Variants in MYSM1 observed in about 807,000 individuals in gnomAD.
MYSM1 encodes deubiquitinase MYSM1.
MYSM1 carries 51 observed loss-of-function variants against 116.0 expected under a neutral mutation model. The observed-to-expected ratio is 0.44, with a 90% CI of 0.35 to 0.56. MYSM1 has a LOEUF of 0.56. MYSM1 is among the 20% of genes least tolerant of loss of function. The pLI, the probability that MYSM1 is intolerant of heterozygous loss-of-function variation, is 0.00. For missense variants in MYSM1, 900 were observed against 974.9 expected (o/e 0.92, Z 1.02); for synonymous variants, 313 against 315.2 (o/e 0.99, Z 0.07).
intron 14 of MYSM1, 77 bp downstream of exon 14, chr1:58,668,555 T>G: frequency 6.7e-7 from 1 of 1,489,650 alleles, no homozygotes; most frequent in Non-Finnish European, 8.9e-7. Context: ...TCTTCCATAC[T>G]CTGTCTTACG....
chr1:58,686,387 C>T lies in MYSM1; in HGVS notation c.400-1136G>A, dbSNP rs1182317603. Among the ~76,000 whole-genome samples the T allele has an allele frequency of 2.0e-5, 3 of 152,080 alleles. No individual in the cohort carries two copies. The East Asian group carries it at 5.8e-4, about 29-fold the overall frequency. ...AGATATTCTCTACTTCCTAAGGTAGCTAAATAATTCTATATTTTTAGAATT... is the reference window on the plus strand; with the variant it reads ...AGATATTCTCTACTTCCTAAGGTAGTTAAATAATTCTATATTTTTAGAATT... On this transcript the variant is annotated intron_variant, in intron 6 of 19. Coordinates refer to ENST00000472487, the MANE Select transcript of MYSM1 (RefSeq NM_001085487.3).
intron 7 of MYSM1, 107 bp from the exon 8 acceptor site, chr1:58,682,652 G>A (rs2100651622): frequency 2.0e-6 from 2 of 1,019,314 alleles, no homozygotes; most frequent in Admixed American, 3.0e-5. Context: ...CTGAATACAT[G>A]TAAATGGTAC....
chr1:58,660,742 G>A (rs12743508), intron 19 of MYSM1, among the ~76,000 whole-genome samples: 5,595 of 152,128 alleles, frequency 0.037, 147 homozygotes, highest in Non-Finnish European at 0.058. Flanking sequence ...AAACCTAGAC[G>A]TGAACTGACA....
chr1:58,665,956 C>T (rs905896406), intron 16 of MYSM1, among the ~76,000 whole-genome samples: 2 of 152,038 alleles, frequency 1.3e-5, no homozygotes, highest in African/African-American at 4.8e-5. Flanking sequence ...ACTCAGGAGG[C>T]TGAGGCAGCA....
At chr1:58,684,955 GA>G (rs1286163574) in intron 7 of MYSM1, among the ~76,000 whole-genome samples, 197 bp downstream of exon 7, 1 of 152,102 alleles carries the variant, frequency 6.6e-6, no homozygotes, top group Non-Finnish European at 1.5e-5. Flanking sequence ...AAATTAAATA[GA>G]GTAACATGAT....
At position 58,673,379 on chromosome 1, in the gene MYSM1, T is replaced by C. The variant is rs189449718; in HGVS notation, c.1572+194A>G. ...AGAGAATCCAAGTTCTGAAATGAGTTAAACTCCTAGTTAACTGCACCACCA... is the reference window on the plus strand; with the variant it reads ...AGAGAATCCAAGTTCTGAAATGAGTCAAACTCCTAGTTAACTGCACCACCA... On this transcript the variant is annotated intron_variant, in intron 11 of 19. Transcript: ENST00000472487. 3.7e-4 allele frequency among the ~76,000 whole-genome samples: 56 copies of C among 152,366 alleles called. No individual in the cohort carries two copies. The East Asian group carries it at 3.9e-3, about 10-fold the overall frequency.
intron 1 of MYSM1, among the ~76,000 whole-genome samples, chr1:58,696,568 A>C (rs1049488072): frequency 2.0e-5 from 3 of 152,180 alleles, no homozygotes; most frequent in African/African-American, 7.2e-5. Context: ...TTCCAAATCC[A>C]GTCCTTCCAG....
chr1:58,686,254 T>C (rs1312484812), intron 6 of MYSM1, among the ~76,000 whole-genome samples: 2 of 152,104 alleles, frequency 1.3e-5, no homozygotes, highest in African/African-American at 4.8e-5. Context: ...TCCTGTGTGT[T>C]CTCAAGCACA....
Position 58,692,920 on chromosome 1 carries a change from C to G in MYSM1, c.159G>C (p.Leu53Phe). 2 of 1,606,302 alleles carry G rather than the reference C, an allele frequency of 1.2e-6. No homozygotes were observed. The highest frequency in any genetic ancestry group is 1.7e-6 in the Non-Finnish European group (2 of 1,176,676). The stretch of plus-strand genomic sequence containing the variant: ...TGTTCTCTTCACTGATGGTGTTATC[C>G]AAGGTCCAAGGCTATTAAAAAAGAG... ...RTENGLIPWT[L>F]DNTISEENRA... Residue 53 changes from leucine to phenylalanine, a missense_variant, in exon 3 of 20, where the codon TTG becomes TTC. Leu to Phe is a conservative substitution (Grantham distance 22). Coordinates refer to ENST00000472487, the MANE Select transcript of MYSM1 (RefSeq NM_001085487.3).
intron 9 of MYSM1, among the ~76,000 whole-genome samples, chr1:58,675,978 G>T (rs1464454546): frequency 6.6e-6 from 1 of 152,086 alleles, no homozygotes; most frequent in Non-Finnish European, 1.5e-5. Context: ...CAATATAAAA[G>T]AAAATCATAT....
At chr1:58,664,962 G>A (rs1008221023) in intron 17 of MYSM1, among the ~76,000 whole-genome samples, 2 of 152,298 alleles carry the variant, frequency 1.3e-5, no homozygotes, top group East Asian at 3.9e-4. Flanking sequence ...GCCCAGAAAT[G>A]TTTGGACTAC....
intron 2 of MYSM1, among the ~76,000 whole-genome samples, chr1:58,694,666 T>A: frequency 6.6e-6 from 1 of 150,486 alleles, no homozygotes; most frequent in Non-Finnish European, 1.5e-5. Context: ...CCTGTGACAA[T>A]CCCATTTTTT....
chr1:58,664,261 G>A (rs1644435883), intron 17 of MYSM1, among the ~76,000 whole-genome samples: 1 of 152,136 alleles, frequency 6.6e-6, no homozygotes, highest in South Asian at 2.1e-4. Flanking sequence ...CAAGTTAATT[G>A]CGATTCTTTT....
intron 12 of MYSM1, among the ~76,000 whole-genome samples, chr1:58,670,351 G>A (rs1373615769): frequency 6.6e-6 from 1 of 152,140 alleles, no homozygotes; most frequent in Non-Finnish European, 1.5e-5. Context: ...GCAGAGAATG[G>A]GAAAGTTGCT....
At chr1:58,666,575 T>TC (rs1365873038) in intron 16 of MYSM1, among the ~76,000 whole-genome samples, 1 of 62,434 alleles carries the variant, frequency 1.6e-5, no homozygotes, top group African/African-American at 5.7e-5. Context: ...GTATTTTTTT[T>TC]CTTTTTTTTT....
At position 58,675,632 on chromosome 1, in the gene MYSM1, T is replaced by G. The variant is rs762077267; in HGVS notation, c.1391-52A>C. On this transcript the variant is annotated intron_variant, in intron 9 of 19. Coordinates refer to ENST00000472487, the MANE Select transcript of MYSM1 (RefSeq NM_001085487.3). ...CATCTATTATTTTGTGAAACTCATT[T>G]GTTAAACAGTAAGACACATGTACAC... The G allele has an allele frequency of 1.0e-5, 14 of 1,396,190 alleles. No individual in the cohort carries two copies. In the African/African-American group the frequency reaches 1.7e-4, roughly 17 times the overall value. The allele number at this position is 1,396,190 out of a possible 1,614,324, so 86.5% of individuals were successfully genotyped here.
rs566901970 is a variant in MYSM1, at chr1:58,695,202, C to T, written c.74G>A (p.Gly25Asp). Residue 25 changes from glycine (G) to aspartate (D), a missense_variant, in exon 2 of 20, where the codon GGT becomes GAT. By Grantham distance (94) the Gly-to-Asp change is moderately conservative (BLOSUM62 -1). Around this residue, in one of 3 missense-constraint regions of MYSM1, gnomAD observed 622 missense variants for 623.7 expected, o/e 1.00. Coordinates refer to ENST00000472487, the MANE Select transcript of MYSM1 (RefSeq NM_001085487.3). ...VAAAGAQPGS[G>D]ENTASVLQKD... ...TTGTAAAACTGATGCTGTATTTTCACCACTTCTGTAATAATTAAGAAAATG... is the reference window on the plus strand; with the variant it reads ...TTGTAAAACTGATGCTGTATTTTCATCACTTCTGTAATAATTAAGAAAATG... 1.4e-4 allele frequency: 225 copies of T among 1,591,648 alleles called. 3 individuals are homozygous for T. The South Asian group carries it at 2.4e-3, about 17-fold the overall frequency.
At chr1:58,688,557 C>G (rs1415646610) in intron 6 of MYSM1, among the ~76,000 whole-genome samples, 1 of 149,830 alleles carries the variant, frequency 6.7e-6, no homozygotes, top group Non-Finnish European at 1.5e-5. Context: ...AATAGACATT[C>G]ACGCAAAAAA....
chr1:58,667,613 G>C (rs1569717381), intron 15 of MYSM1, among the ~76,000 whole-genome samples: 1 of 150,606 alleles, frequency 6.6e-6, no homozygotes, highest in Non-Finnish European at 1.5e-5. Flanking sequence ...TACTAATAAA[G>C]GTAATGAGGA....
Sources: allele counts gnomAD v4.1 joint callset (sites outside exome capture counted in the v4.1 genomes callset), GRCh38; gene constraint gnomAD v4.1.1; regional missense constraint gnomAD v4.1.1; transcripts MANE v1.5; gene names NCBI Gene and HGNC (gene_info 2026-07-23, HGNC 2026-07-21).